The following PRKCQ variants were observed in gnomAD, a reference collection of about 807,000 sequenced individuals.
PRKCQ encodes protein kinase C theta type.
Under a neutral mutation model 91.2 loss-of-function variants are expected in PRKCQ, and 41 were observed. The ratio of observed to expected loss-of-function variants is 0.45; its 90% confidence interval spans 0.35 to 0.58. The LOEUF (loss-of-function observed/expected upper bound fraction) is 0.58. Among genes scored for constraint, PRKCQ ranks in the 20% least tolerant of loss-of-function variants. The pLI, the probability that PRKCQ is intolerant of heterozygous loss-of-function variation, is 0.00. For synonymous variants in PRKCQ, 307 were observed against 316.9 expected (o/e 0.97, Z 0.33); for missense variants, 673 against 896.5 (o/e 0.75, Z 3.18).
At chr10:6,467,385 C>CAGAG (rs1564324292) in intron 12 of PRKCQ, among the ~76,000 whole-genome samples, 10 of 39,494 alleles carry the variant, frequency 2.5e-4, no homozygotes, top group Non-Finnish European at 3.7e-4. Flanking sequence ...CAGAGAGAGA[C>CAGAG]AGACAGAGAG....
At chr10:6,559,897 G>T (rs887022757) in intron 1 of PRKCQ, among the ~76,000 whole-genome samples, 1 of 152,082 alleles carries the variant, frequency 6.6e-6, no homozygotes, top group Non-Finnish European at 1.5e-5. Flanking sequence ...ATTTCGTTAC[G>T]TACACAGAAT....
At chr10:6,520,397 C>T (rs1217916908) in intron 1 of PRKCQ, among the ~76,000 whole-genome samples, 1 of 152,204 alleles carries the variant, frequency 6.6e-6, no homozygotes, top group African/African-American at 2.4e-5. Flanking sequence ...GCTTCTTACC[C>T]TGCCTCCTCT....
intron 15 of PRKCQ, among the ~76,000 whole-genome samples, chr10:6,448,246 C>T (rs1427355750): frequency 6.6e-6 from 1 of 152,050 alleles, no homozygotes; most frequent in Non-Finnish European, 1.5e-5. Context: ...ATGGATTGGT[C>T]AGGTGGATGT....
intron 16 of PRKCQ, among the ~76,000 whole-genome samples, chr10:6,439,729 A>G (rs1037763773): frequency 6.6e-6 from 1 of 151,992 alleles, no homozygotes; most frequent in East Asian, 1.9e-4. Flanking sequence ...AATACAGTAT[A>G]TCATACATAT....
intron 12 of PRKCQ, among the ~76,000 whole-genome samples, chr10:6,471,604 G>A (rs1835972380): frequency 6.6e-6 from 1 of 152,032 alleles, no homozygotes; most frequent in African/African-American, 2.4e-5. Flanking sequence ...AAAAAAATTA[G>A]CTGGGCGCAG....
At chr10:6,507,331 T>C (rs1371699672) in intron 4 of PRKCQ, 105 bp downstream of exon 4, 4 of 1,168,014 alleles carry the variant, frequency 3.4e-6, no homozygotes, top group Non-Finnish European at 5.1e-6. Flanking sequence ...GCCTCTCTTT[T>C]CTCCTGATTC....
intron 1 of PRKCQ, among the ~76,000 whole-genome samples, chr10:6,558,935 C>T (rs553365799): frequency 3.3e-5 from 5 of 152,224 alleles, no homozygotes; most frequent in South Asian, 4.2e-4. Flanking sequence ...TGCATGGTCA[C>T]GCGCAGAGAG....
At chr10:6,432,891 G>C (rs1279662910) in intron 16 of PRKCQ, among the ~76,000 whole-genome samples, 1 of 151,952 alleles carries the variant, frequency 6.6e-6, no homozygotes, top group Non-Finnish European at 1.5e-5. Flanking sequence ...CCCTCCCCTA[G>C]TCGACTCCTG....
chr10:6,413,644 CACACACACTAGGAA>C, the PRKCQ span, among the ~76,000 whole-genome samples: 5 of 131,822 alleles, frequency 3.8e-5, no homozygotes, highest in African/African-American at 1.6e-4. Flanking sequence ...TGTGCACACA[CACACACACTAGGAA>C]GCACTGGATT....
the PRKCQ span, among the ~76,000 whole-genome samples, chr10:6,411,746 C>T: frequency 2.5e-4 from 38 of 152,276 alleles, no homozygotes; most frequent in Middle Eastern, 3.4e-3. Context: ...TTTGCTGACC[C>T]TGGTACATAG....
At chr10:6,532,752 G>A (rs1232525138) in intron 1 of PRKCQ, among the ~76,000 whole-genome samples, 6 of 152,138 alleles carry the variant, frequency 3.9e-5, no homozygotes. Context: ...ATAACTAATA[G>A]GCAAGAGCAC....
intron 12 of PRKCQ, among the ~76,000 whole-genome samples, chr10:6,467,416 AG>A (rs1835743988): frequency 6.3e-4 from 81 of 129,302 alleles, no homozygotes; most frequent in African/African-American, 2.2e-3. Context: ...AGAGAGAGAG[AG>A]AGAGAGAGAG....
chr10:6,472,031 G>A (rs1038858307), intron 12 of PRKCQ, among the ~76,000 whole-genome samples: 1 of 152,320 alleles, frequency 6.6e-6, no homozygotes, highest in Middle Eastern at 3.4e-3. Context: ...TGTAGGGGCC[G>A]GGCGCGGTGG....
chr10:6,516,469 C>G (rs1018732045), intron 1 of PRKCQ, among the ~76,000 whole-genome samples: 1 of 152,148 alleles, frequency 6.6e-6, no homozygotes, highest in Non-Finnish European at 1.5e-5. Context: ...CTTTAGGAGG[C>G]GCCCTTTGCC....
chr10:6,483,046 A>G (rs1836698690), intron 11 of PRKCQ, among the ~76,000 whole-genome samples: 1 of 152,234 alleles, frequency 6.6e-6, no homozygotes, highest in Non-Finnish European at 1.5e-5. Context: ...TAGAGAGAGA[A>G]AAAAATCACA....
chr10:6,461,877 G>T (rs1277511288), intron 14 of PRKCQ, among the ~76,000 whole-genome samples: 5 of 152,166 alleles, frequency 3.3e-5, no homozygotes, highest in Admixed American at 1.3e-4. Flanking sequence ...AGCTTGGACA[G>T]AAGAACGTGA....
chr10:6,476,828 A>G (rs1389187321), intron 12 of PRKCQ, among the ~76,000 whole-genome samples: 2 of 152,230 alleles, frequency 1.3e-5, no homozygotes, highest in African/African-American at 2.4e-5. Flanking sequence ...TCTAGACAAC[A>G]GTACGGAGAG....
chr10:6,404,488 CTCTTTCCTT>C, the PRKCQ span, among the ~76,000 whole-genome samples: 7,148 of 133,612 alleles, frequency 0.053, 294 homozygotes, highest in South Asian at 0.14. Flanking sequence ...CTTTCTTTCT[CTCTTTCCTT>C]TCTTTCTCTG....
intron 16 of PRKCQ, among the ~76,000 whole-genome samples, chr10:6,441,352 G>C (rs1833961948): frequency 6.6e-6 from 1 of 152,154 alleles, no homozygotes; most frequent in African/African-American, 2.4e-5. Context: ...ATGTTGGTCA[G>C]GCTGGTCTCA....
Sources: allele counts gnomAD v4.1 joint callset (sites outside exome capture counted in the v4.1 genomes callset), GRCh38; gene constraint gnomAD v4.1.1; transcripts MANE v1.5; gene names NCBI Gene and HGNC (gene_info 2026-07-23, HGNC 2026-07-21).